The following ENTPD1 variants were observed in gnomAD, a reference collection of about 807,000 sequenced individuals.
The protein encoded by ENTPD1 is ectonucleoside triphosphate diphosphohydrolase 1.
ENTPD1 carries 33 observed loss-of-function variants against 57.0 expected under a neutral mutation model. The ratio of observed to expected loss-of-function variants is 0.58; its 90% CI spans 0.44 to 0.77. ENTPD1 has a LOEUF of 0.77. Ranked by LOEUF, ENTPD1 falls within the 30% of genes least tolerant of loss-of-function variation. ENTPD1 has a pLI of 0.00. For synonymous variants in ENTPD1, 202 were observed against 218.8 expected (o/e 0.92, Z 0.68); for missense variants, 501 against 603.4 (o/e 0.83, Z 1.78).
rs375979312 is a variant in ENTPD1, at chr10:95,760,915, C to T, written c.16+4660C>T. Among the ~76,000 whole-genome samples, 100 of 140,342 alleles carry T rather than the reference C, an allele frequency of 7.1e-4. 3 individuals carry two copies. In the East Asian group the frequency reaches 0.014, roughly 20 times the overall value. The allele number at this position is 140,342 out of a possible 152,430, so 92.1% of individuals were successfully genotyped here. ...CGCGATCTCAGCTCACTGCAAGCTC[C>T]GCCTCCCAGGTTCACGCCATTCTCC... On this transcript the variant is annotated intron_variant, in intron 1 of 9. Coordinates refer to ENST00000371205, the MANE Select transcript of ENTPD1 (RefSeq NM_001776.6).
At chr10:95,795,877 T>G (rs1177165672) in intron 1 of ENTPD1, among the ~76,000 whole-genome samples, 1 of 152,204 alleles carries the variant, frequency 6.6e-6, no homozygotes, top group Non-Finnish European at 1.5e-5. Flanking sequence ...ATTATAAACA[T>G]GGCATTTGAG....
chr10:95,789,399 C>A (rs1230124900), intron 1 of ENTPD1, among the ~76,000 whole-genome samples: 1 of 152,112 alleles, frequency 6.6e-6, no homozygotes, highest in African/African-American at 2.4e-5. Context: ...TTGAAACTGG[C>A]ATGCATTTAT....
intron 1 of ENTPD1, among the ~76,000 whole-genome samples, chr10:95,765,362 G>A (rs1199641591): frequency 1.3e-5 from 2 of 152,078 alleles, no homozygotes; most frequent in African/African-American, 4.8e-5. Context: ...GTTAGTTTTT[G>A]TATATGTTAT....
chr10:95,805,034 T>C (rs11527887), intron 1 of ENTPD1, among the ~76,000 whole-genome samples: 1 of 152,350 alleles, frequency 6.6e-6, no homozygotes, highest in East Asian at 1.9e-4. Context: ...GTTCAAGTCC[T>C]GGATATCCTT....
At chr10:95,835,092 C>T (rs2098406461) in intron 2 of ENTPD1, among the ~76,000 whole-genome samples, 1 of 152,136 alleles carries the variant, frequency 6.6e-6, no homozygotes, top group African/African-American at 2.4e-5. Context: ...TTGACCTCCT[C>T]CCCACCTCCC....
At position 95,844,503 on chromosome 10, in the gene ENTPD1, G is replaced by C. The variant is rs142431233; in HGVS notation, c.441G>C (p.Arg147Ser). The C allele has an allele frequency of 1.7e-4, 277 of 1,614,172 alleles. No individual in the cohort carries two copies. Among genetic ancestry groups the C allele is most frequent in the Middle Eastern group, 5.0e-4 (3 of 6,060 alleles). Residue 147 changes from arginine (R) to serine (S), a missense_variant, in exon 5 of 10, where the codon AGG becomes AGC. Arg to Ser is a moderately radical substitution (Grantham distance 110, BLOSUM62 -1). Transcript: ENST00000371205. Reference protein sequence around the residue: ...LRMESEELADRVLDVVERSLS... With the variant: ...LRMESEELADSVLDVVERSLS... ...TGGAAAGTGAAGAGTTGGCAGACAG[G>C]GTTCTGGATGTGGTGGAGAGGAGCC...
chr10:95,705,727 G>A, the ENTPD1 span, among the ~76,000 whole-genome samples: 1 of 152,144 alleles, frequency 6.6e-6, no homozygotes, highest in African/African-American at 2.4e-5. Flanking sequence ...TCTGACCTCA[G>A]GTGATCTGCC....
In ENTPD1 at chr10:95,731,781, C is replaced by CTTTTT. The variant is rs34841311; in HGVS notation, c.37+19805_37+19809dup. Among the ~76,000 whole-genome samples the CTTTTT allele has an allele frequency of 1.3e-3, 102 of 79,168 alleles. 9 individuals are homozygous for CTTTTT. The highest frequency in any genetic ancestry group is 1.9e-3 in the Non-Finnish European group (84 of 43,950). The allele number at this position is 79,168 out of a possible 152,430, so 51.9% of individuals were successfully genotyped here. On this transcript the variant is annotated intron_variant, in intron 1 of 9. Transcript: ENST00000453258. ...GGTAAGAATTAGAGGAGTGGACATC[C>CTTTTT]TTTTTTTTTTTTTTTTTTTTTGACA...
the ENTPD1 span, among the ~76,000 whole-genome samples, chr10:95,706,529 A>G: frequency 6.6e-6 from 1 of 152,130 alleles, no homozygotes; most frequent in Non-Finnish European, 1.5e-5. Context: ...TGCTCTCAGC[A>G]GAGAGGAGGC....
upstream of ENTPD1, among the ~76,000 whole-genome samples, chr10:95,750,982 C>G (rs2098011183): frequency 6.6e-6 from 1 of 152,056 alleles, no homozygotes; most frequent in Non-Finnish European, 1.5e-5. Context: ...AAGATAGCAC[C>G]ACTGGACTCC....
At chr10:95,763,005 T>A (rs2098072679) in intron 1 of ENTPD1, among the ~76,000 whole-genome samples, 1 of 152,204 alleles carries the variant, frequency 6.6e-6, no homozygotes, top group African/African-American at 2.4e-5. Flanking sequence ...TTGATGTTTT[T>A]AATCAACTTA....
intron 8 of ENTPD1, among the ~76,000 whole-genome samples, chr10:95,860,813 C>G (rs1454455735): frequency 6.6e-6 from 1 of 152,200 alleles, no homozygotes; most frequent in Admixed American, 6.5e-5. Flanking sequence ...CAAAGTCTGG[C>G]AGTAGGCAGC....
At chr10:95,827,473 T>TTTTTG (rs1053080749) in intron 2 of ENTPD1, among the ~76,000 whole-genome samples, 21 of 151,388 alleles carry the variant, frequency 1.4e-4, no homozygotes, top group African/African-American at 4.4e-4. Context: ...AAAAATTTCG[T>TTTTTG]TTTTGTTTTG....
Position 95,875,973 on chromosome 10 carries a change from T to A in ENTPD1, c.*9590T>A. 6 of 985,420 alleles carry A rather than the reference T, an allele frequency of 6.1e-6. No homozygotes were observed. Among genetic ancestry groups the A allele is most frequent in the Non-Finnish European group, 7.2e-6 (6 of 829,930 alleles). 61.0% of individuals were successfully genotyped at this position (985,420 alleles called of 1,614,324 possible). A position where few individuals can be genotyped will look rare whatever the true frequency, so the allele number is the denominator to read the frequency against. The stretch of plus-strand genomic sequence containing the variant: ...ACACAGCCAAACCATATCAATGATT[T>A]TGTACTTTAACCAGCTGAATGGAAG... On this transcript the variant is annotated 3_prime_UTR_variant, in exon 10 of 10. Transcript: ENST00000371205.
At chr10:95,702,851 C>T in the ENTPD1 span, among the ~76,000 whole-genome samples, 1 of 152,140 alleles carries the variant, frequency 6.6e-6, no homozygotes, top group African/African-American at 2.4e-5. Context: ...GGTGCGATCT[C>T]GGTTCACTGC....
intron 2 of ENTPD1, among the ~76,000 whole-genome samples, chr10:95,835,340 T>C (rs1016163281): frequency 2.2e-4 from 34 of 152,222 alleles, no homozygotes; most frequent in Admixed American, 2.0e-3. Context: ...CAATTCATCA[T>C]TGATGGACAC....
At chr10:95,723,160 T>C (rs555639445) in intron 1 of ENTPD1, among the ~76,000 whole-genome samples, 3 of 152,352 alleles carry the variant, frequency 2.0e-5, no homozygotes, top group South Asian at 2.1e-4. Flanking sequence ...TGGAGTGTTA[T>C]AGGGTCATGG....
intron 1 of ENTPD1, among the ~76,000 whole-genome samples, chr10:95,778,697 A>G (rs1448651616): frequency 3.9e-5 from 6 of 152,184 alleles, no homozygotes; most frequent in Non-Finnish European, 7.3e-5. Flanking sequence ...GTTTATTTAA[A>G]TAAAATTGTA....
At chr10:95,863,706 G>A (rs1160418581) in intron 8 of ENTPD1, among the ~76,000 whole-genome samples, 1 of 152,210 alleles carries the variant, frequency 6.6e-6, no homozygotes, top group Non-Finnish European at 1.5e-5. Flanking sequence ...AGGACCCACG[G>A]AAGGGAGAGA....
Sources: allele counts gnomAD v4.1 joint callset (sites outside exome capture counted in the v4.1 genomes callset), GRCh38; gene constraint gnomAD v4.1.1; transcripts MANE v1.5; gene names NCBI Gene and HGNC (gene_info 2026-07-23, HGNC 2026-07-21).